Variants in AMBRA1 observed in about 807,000 individuals in gnomAD.
The protein encoded by AMBRA1 is activating molecule in BECN1-regulated autophagy protein 1.
AMBRA1 carries 47 observed loss-of-function variants against 125.4 expected under a neutral mutation model. The ratio of observed to expected loss-of-function variants is 0.37; its 90% CI spans 0.30 to 0.48. The LOEUF is 0.48. AMBRA1 is among the 20% of genes least tolerant of loss of function. The pLI, the probability that AMBRA1 is intolerant of heterozygous loss-of-function variation, is 0.99. For synonymous variants in AMBRA1, 626 were observed against 655.5 expected, an observed-to-expected ratio of 0.95 and a Z score of 0.69; for missense variants, 1,331 against 1,693.4, an observed-to-expected ratio of 0.79 and a Z score of 3.76.
chr11:46,398,544 G>A (rs1348361887), intron 17 of AMBRA1, among the ~76,000 whole-genome samples: 1 of 151,990 alleles, frequency 6.6e-6, no homozygotes, highest in East Asian at 1.9e-4. Flanking sequence ...GAGTGCAGTG[G>A]TGCGATCTCA....
rs1207099314 is a variant in AMBRA1, at chr11:46,410,269, A to G, written c.3209+7T>C. 2 of 1,613,218 alleles carry G rather than the reference A, an allele frequency of 1.2e-6. No homozygotes were observed. The highest frequency in any genetic ancestry group is 1.7e-5 in the Admixed American group (1 of 60,000). On this transcript the variant is annotated splice_region_variant and intron_variant, in intron 16 of 17. Coordinates refer to ENST00000683756, the MANE Select transcript of AMBRA1 (RefSeq NM_001387011.1). The stretch of plus-strand genomic sequence containing the variant: ...CCAGCTGCTCCCTGCCTACTTCCCA[A>G]ACATACCCAGGCCGCTCGCTGCTCC...
At chr11:46,407,988 C>G (rs1232606286) in intron 17 of AMBRA1, among the ~76,000 whole-genome samples, 1 of 152,152 alleles carries the variant, frequency 6.6e-6, no homozygotes, top group African/African-American at 2.4e-5. Flanking sequence ...CACAGAGAGT[C>G]AGGGCCGAGT....
chr11:46,520,974 T>C (rs187407678), intron 7 of AMBRA1, among the ~76,000 whole-genome samples: 14 of 152,276 alleles, frequency 9.2e-5, no homozygotes, highest in African/African-American at 4.8e-5. Flanking sequence ...TTGTCTTTGC[T>C]ACATGAAAAC....
intron 7 of AMBRA1, among the ~76,000 whole-genome samples, chr11:46,518,927 C>T (rs899701668): frequency 2.6e-5 from 4 of 152,040 alleles, no homozygotes; most frequent in African/African-American, 9.7e-5. Flanking sequence ...TTCTTGATCA[C>T]TAGGAATACA....
chr11:46,570,960 G>A (rs2043736345), intron 1 of AMBRA1, among the ~76,000 whole-genome samples: 1 of 152,136 alleles, frequency 6.6e-6, no homozygotes, highest in Non-Finnish European at 1.5e-5. Context: ...GAGAGCTTGT[G>A]GGGAGACTAC....
intron 14 of AMBRA1, among the ~76,000 whole-genome samples, chr11:46,422,089 C>T (rs1397434793): frequency 2.0e-5 from 3 of 152,132 alleles, no homozygotes; most frequent in African/African-American, 7.2e-5. Context: ...AGAGACATGC[C>T]GTGCAGCTAC....
intron 12 of AMBRA1, among the ~76,000 whole-genome samples, chr11:46,443,197 G>C (rs907655584): frequency 6.6e-6 from 1 of 152,238 alleles, no homozygotes; most frequent in Non-Finnish European, 1.5e-5. Context: ...AGAAGAGAAA[G>C]AGAAGGGAGT....
At chr11:46,462,368 G>A (rs1250060325) in intron 11 of AMBRA1, among the ~76,000 whole-genome samples, 1 of 152,156 alleles carries the variant, frequency 6.6e-6, no homozygotes, top group Non-Finnish European at 1.5e-5. Flanking sequence ...CCGGGCCCTT[G>A]TCCCATACAA....
At chr11:46,581,227 C>T (rs1413541397) in intron 1 of AMBRA1, among the ~76,000 whole-genome samples, 10 of 152,232 alleles carry the variant, frequency 6.6e-5, no homozygotes, top group Middle Eastern at 3.4e-3. Flanking sequence ...AATCCCGGGA[C>T]TTTGGGAGGC....
At chr11:46,428,665 C>T in intron 14 of AMBRA1, 1 of 1,598,130 alleles carries the variant, frequency 6.3e-7, no homozygotes, top group Non-Finnish European at 8.5e-7. Context: ...ACTGAGGTGG[C>T]TGACCACGTC....
chr11:46,463,776 T>C (rs1447051100), intron 11 of AMBRA1, among the ~76,000 whole-genome samples: 1 of 152,214 alleles, frequency 6.6e-6, no homozygotes, highest in Non-Finnish European at 1.5e-5. Context: ...GATGGTTTCA[T>C]GCAGGGGAAA....
At chr11:46,410,993 C>G (rs917928511) in intron 15 of AMBRA1, among the ~76,000 whole-genome samples, 1 of 151,092 alleles carries the variant, frequency 6.6e-6, no homozygotes, top group Non-Finnish European at 1.5e-5. Flanking sequence ...CCCAGCTACT[C>G]AGGAGACTGA....
intron 11 of AMBRA1, among the ~76,000 whole-genome samples, chr11:46,471,826 T>A (rs1341261483): frequency 6.6e-6 from 1 of 151,732 alleles, no homozygotes; most frequent in Non-Finnish European, 1.5e-5. Context: ...TGGGGTTTCA[T>A]CATGTTGGCC....
intron 1 of AMBRA1, among the ~76,000 whole-genome samples, chr11:46,585,930 C>T (rs1038452260): frequency 6.7e-6 from 1 of 150,112 alleles, no homozygotes; most frequent in African/African-American, 2.4e-5. Context: ...CTCAGCCTCC[C>T]GAGTAGCTGA....
At chr11:46,524,088 G>A (rs930049037) in intron 7 of AMBRA1, among the ~76,000 whole-genome samples, 19 of 152,102 alleles carry the variant, frequency 1.2e-4, no homozygotes, top group African/African-American at 4.3e-4. Context: ...GGCTGGTCTC[G>A]AACTCCTGAC....
At chr11:46,541,263 GGA>G (rs1952723595) in intron 7 of AMBRA1, among the ~76,000 whole-genome samples, 1 of 152,172 alleles carries the variant, frequency 6.6e-6, no homozygotes, top group Non-Finnish European at 1.5e-5. Flanking sequence ...ATCTGAGTAT[GGA>G]GAGTCTTTCC....
At chr11:46,553,662 T>C (rs1193324738) in intron 1 of AMBRA1, among the ~76,000 whole-genome samples, 1 of 152,024 alleles carries the variant, frequency 6.6e-6, no homozygotes, top group Non-Finnish European at 1.5e-5. Context: ...GGAGAATCGC[T>C]TGGACCTGGA....
intron 17 of AMBRA1, among the ~76,000 whole-genome samples, chr11:46,399,457 C>G (rs1222043816): frequency 6.6e-6 from 1 of 152,066 alleles, no homozygotes; most frequent in Non-Finnish European, 1.5e-5. Flanking sequence ...ACCTCCACCT[C>G]CCAGGTTCAA....
chr11:46,426,351 G>A (rs1947134449), intron 14 of AMBRA1, among the ~76,000 whole-genome samples: 1 of 152,202 alleles, frequency 6.6e-6, no homozygotes, highest in East Asian at 1.9e-4. Flanking sequence ...AAGACCAGAA[G>A]AAGCCAGGCA....
Sources: gnomAD v4.1 joint callset for allele counts (sites outside exome capture counted in the v4.1 genomes callset) on GRCh38, gnomAD v4.1.1 for gene constraint, MANE v1.5 for transcripts, NCBI Gene and HGNC (gene_info 2026-07-23, HGNC 2026-07-21) for gene names.